CADM2: variants seen among roughly 807,000 people sequenced by gnomAD.
CADM2 encodes the protein cell adhesion molecule 2.
In CADM2, 12 loss-of-function variants were observed where a neutral mutation model predicts 49.8. That is an observed-to-expected ratio of 0.24 (90% CI 0.15 to 0.39). The LOEUF (loss-of-function observed/expected upper bound fraction) is 0.39. CADM2 is among the 10% of genes least tolerant of loss of function. The probability of loss-of-function intolerance (pLI) is 1.00; values close to 1 mark genes in which losing one functional copy is unlikely to be tolerated. For missense variants in CADM2, 378 were observed against 492.3 expected (o/e 0.77, Z 2.20); for synonymous variants, 214 against 175.4 (o/e 1.22, Z -1.74).
chr3:84,962,028 A>C (rs894962948), intron 1 of CADM2, among the ~76,000 whole-genome samples: 1 of 152,050 alleles, frequency 6.6e-6, no homozygotes, highest in African/African-American at 2.4e-5. Context: ...ACCAATGATT[A>C]AGACAGTGCT....
chr3:85,211,046 C>T (rs980573099), intron 1 of CADM2, among the ~76,000 whole-genome samples: 2 of 152,026 alleles, frequency 1.3e-5, no homozygotes, highest in African/African-American at 4.8e-5. Flanking sequence ...TTATTCATTT[C>T]TTCTAGGTTT....
At chr3:85,530,476 G>A (rs889132370) in intron 1 of CADM2, among the ~76,000 whole-genome samples, 11 of 151,570 alleles carry the variant, frequency 7.3e-5, no homozygotes, top group East Asian at 2.0e-4. Flanking sequence ...GACTACAGGC[G>A]CCCGCCACCA....
intron 1 of CADM2, among the ~76,000 whole-genome samples, chr3:85,018,052 A>G (rs1453924913): frequency 1.3e-5 from 2 of 152,166 alleles, no homozygotes; most frequent in African/African-American, 4.8e-5. Context: ...GTAACCTTCT[A>G]GTTAGACAGA....
intron 5 of CADM2, among the ~76,000 whole-genome samples, chr3:85,896,210 T>C (rs1395220492): frequency 6.6e-6 from 1 of 152,130 alleles, no homozygotes; most frequent in Non-Finnish European, 1.5e-5. Context: ...CATTTGAATC[T>C]GGAAGTTTGA....
At chr3:85,150,378 A>G (rs913697755) in intron 1 of CADM2, among the ~76,000 whole-genome samples, 1 of 152,322 alleles carries the variant, frequency 6.6e-6, no homozygotes, top group East Asian at 1.9e-4. Flanking sequence ...AGAGACAGAA[A>G]CAACTGTACT....
At chr3:85,138,693 CT>C (rs1019090200) in intron 1 of CADM2, among the ~76,000 whole-genome samples, 4 of 152,032 alleles carry the variant, frequency 2.6e-5, no homozygotes, top group African/African-American at 9.7e-5. Flanking sequence ...ATCAAAAACT[CT>C]TTTGTCTCCA....
intron 1 of CADM2, among the ~76,000 whole-genome samples, chr3:85,393,772 G>T (rs1164128801): frequency 2.0e-5 from 3 of 151,588 alleles, no homozygotes; most frequent in Middle Eastern, 3.2e-3. Context: ...TTTTAATAAC[G>T]ACATATTTGC....
intron 2 of CADM2, among the ~76,000 whole-genome samples, chr3:85,753,612 A>G (rs766304782): frequency 6.6e-6 from 1 of 152,172 alleles, no homozygotes; most frequent in African/African-American, 2.4e-5. Context: ...GTACAGCTCT[A>G]TGCCTCTTCA....
At chr3:85,693,314 C>G (rs944661970) in intron 1 of CADM2, among the ~76,000 whole-genome samples, 1 of 151,968 alleles carries the variant, frequency 6.6e-6, no homozygotes, top group Non-Finnish European at 1.5e-5. Context: ...GGCGTGGTGG[C>G]TCACGCCTGT....
intron 1 of CADM2, among the ~76,000 whole-genome samples, chr3:85,468,204 T>C (rs2038604745): frequency 7.0e-6 from 1 of 142,828 alleles, no homozygotes; most frequent in Non-Finnish European, 1.5e-5. Flanking sequence ...AAAACTAATA[T>C]CGATTCCTGG....
At chr3:85,263,570 A>G (rs746390366) in intron 1 of CADM2, among the ~76,000 whole-genome samples, 3 of 152,138 alleles carry the variant, frequency 2.0e-5, no homozygotes, top group Non-Finnish European at 2.9e-5. Flanking sequence ...CCATTGTAGG[A>G]TGAAAACACA....
chr3:85,701,895 A>AGAT (rs2066770975), intron 1 of CADM2, among the ~76,000 whole-genome samples: 1 of 151,574 alleles, frequency 6.6e-6, no homozygotes, highest in African/African-American at 2.4e-5. Context: ...ATAGATAGAT[A>AGAT]GATAGATAGA....
chr3:85,738,689 G>A (rs2107817802), intron 2 of CADM2, among the ~76,000 whole-genome samples: 1 of 152,072 alleles, frequency 6.6e-6, no homozygotes. Context: ...ATAACAGACA[G>A]GTTAAGGGAA....
At chr3:85,063,283 T>A (rs1226869989) in intron 1 of CADM2, among the ~76,000 whole-genome samples, 1 of 152,042 alleles carries the variant, frequency 6.6e-6, no homozygotes, top group Non-Finnish European at 1.5e-5. Context: ...TTTTAACTAA[T>A]AATTTAAATT....
chr3:85,639,106 T>C (rs1328026250), intron 1 of CADM2, among the ~76,000 whole-genome samples: 1 of 152,198 alleles, frequency 6.6e-6, no homozygotes, highest in African/African-American at 2.4e-5. Flanking sequence ...GGGTAAATGG[T>C]AAATAAGAAA....
At chr3:85,112,528 T>C (rs1239903571) in intron 1 of CADM2, among the ~76,000 whole-genome samples, 1 of 151,910 alleles carries the variant, frequency 6.6e-6, no homozygotes, top group Non-Finnish European at 1.5e-5. Context: ...GTCACTGCTA[T>C]ATGATTTCAC....
At chr3:85,971,423 A>G (rs1726119327) in intron 8 of CADM2, among the ~76,000 whole-genome samples, 1 of 151,724 alleles carries the variant, frequency 6.6e-6, no homozygotes, top group South Asian at 2.1e-4. Context: ...ATTACATGCA[A>G]AATGGCTCTC....
intron 3 of CADM2, among the ~76,000 whole-genome samples, chr3:85,877,243 A>ACACATGCTCATTTCTTTTATTC (rs1712007433): frequency 6.6e-6 from 1 of 152,046 alleles, no homozygotes; most frequent in Non-Finnish European, 1.5e-5. Flanking sequence ...TTCTTTTATT[A>ACACATGCTCATTTCTTTTATTC]CACATGCTCA....
Position 85,510,887 on chromosome 3 carries a change from A to G in CADM2, c.62-215635A>G, listed in dbSNP as rs567622969. Among the ~76,000 whole-genome samples the G allele has an allele frequency of 6.1e-3, 870 of 143,786 alleles. 8 individuals are homozygous for G. The highest frequency in any genetic ancestry group is 0.017 in the South Asian group (77 of 4,452). The allele number at this position is 143,786 out of a possible 152,430, so 94.3% of individuals were successfully genotyped here. A position where few individuals can be genotyped will look rare whatever the true frequency, so the allele number is the denominator to read the frequency against. Reference sequence around the variant, plus strand: ...AGGCAATCAAAAAATAGTAGACATTAAAAATAAGTAATGTAATGAGGGTTC... The same window carrying G: ...AGGCAATCAAAAAATAGTAGACATTGAAAATAAGTAATGTAATGAGGGTTC... On this transcript the variant is annotated intron_variant, in intron 1 of 9. Coordinates refer to ENST00000383699, the MANE Select transcript of CADM2 (RefSeq NM_001167675.2).
Sources: gnomAD v4.1 joint callset for allele counts (sites outside exome capture counted in the v4.1 genomes callset) on GRCh38, gnomAD v4.1.1 for gene constraint, MANE v1.5 for transcripts, NCBI Gene and HGNC (gene_info 2026-07-23, HGNC 2026-07-21) for gene names.